PDLIM5: variants seen among roughly 807,000 people sequenced by gnomAD.
The protein encoded by PDLIM5 is PDZ and LIM domain 5.
Under a neutral mutation model 64.2 loss-of-function variants are expected in PDLIM5, and 34 were observed. That is an observed-to-expected ratio of 0.53 (90% CI 0.40 to 0.71). PDLIM5 has a LOEUF of 0.71. Among genes scored for constraint, PDLIM5 ranks in the 30% least tolerant of loss-of-function variants. The pLI is 0.00. For missense variants in PDLIM5, 683 were observed against 733.6 expected (o/e 0.93, Z 0.80); for synonymous variants, 253 against 269.1 (o/e 0.94, Z 0.59).
At chr4:94,482,608 T>C (rs1217592911) in intron 2 of PDLIM5, among the ~76,000 whole-genome samples, 2 of 152,146 alleles carry the variant, frequency 1.3e-5, no homozygotes, top group Non-Finnish European at 2.9e-5. Context: ...CTAAATTTAG[T>C]AGATGGGCTG....
At chr4:94,469,770 G>A (rs1446644993) in intron 2 of PDLIM5, among the ~76,000 whole-genome samples, 2 of 152,050 alleles carry the variant, frequency 1.3e-5, no homozygotes, top group Non-Finnish European at 2.9e-5. Flanking sequence ...AGAAATTCCA[G>A]GGCAAGAATT....
chr4:94,518,132 C>CT (rs1729524352), intron 2 of PDLIM5, among the ~76,000 whole-genome samples: 1 of 152,016 alleles, frequency 6.6e-6, no homozygotes, highest in Non-Finnish European at 1.5e-5. Context: ...TATGGAAAAG[C>CT]TTAGGGCATG....
intron 7 of PDLIM5, chr4:94,587,322 A>G (rs1027066359): frequency 1.6e-5 from 20 of 1,270,370 alleles, no homozygotes; most frequent in South Asian, 1.1e-4. Context: ...GACTAGATCT[A>G]TTTGTGGATT....
chr4:94,640,913 A>G (rs1740957091), intron 9 of PDLIM5, among the ~76,000 whole-genome samples: 1 of 152,228 alleles, frequency 6.6e-6, no homozygotes, highest in African/African-American at 2.4e-5. Flanking sequence ...ACTGAAAGGT[A>G]CCTTCAGACC....
chr4:94,532,201 A>G (rs941368255), intron 3 of PDLIM5, among the ~76,000 whole-genome samples: 1 of 152,214 alleles, frequency 6.6e-6, no homozygotes, highest in African/African-American at 2.4e-5. Flanking sequence ...TCATCATTAC[A>G]GCAGTTACTA....
intron 9 of PDLIM5, among the ~76,000 whole-genome samples, chr4:94,650,758 T>C (rs1741779368): frequency 2.0e-5 from 3 of 152,206 alleles, no homozygotes; most frequent in South Asian, 4.1e-4. Flanking sequence ...TTTGTAAGCT[T>C]TCCTTTTTCT....
chr4:94,665,440 C>A lies in PDLIM5; in HGVS notation c.*1373C>A. ...AAGTTGCAGTGAGCTGAGATCACAC[C>A]ACTGCACTCCAGCCTGGTGACAGAG... On this transcript the variant is annotated 3_prime_UTR_variant, in exon 13 of 13. Transcript: ENST00000317968. 1.6e-6 allele frequency: 1 copy of A among 630,590 alleles called. No individual in the cohort carries two copies. Among genetic ancestry groups the A allele is most frequent in the Non-Finnish European group, 2.0e-6 (1 of 511,290 alleles). 39.1% of individuals were successfully genotyped at this position (630,590 alleles called of 1,614,324 possible). A position where few individuals can be genotyped will look rare whatever the true frequency, so the allele number is the denominator to read the frequency against.
intron 11 of PDLIM5, among the ~76,000 whole-genome samples, chr4:94,657,929 C>A (rs562373039): frequency 5.7e-4 from 87 of 152,312 alleles, no homozygotes; most frequent in African/African-American, 2.1e-3. Context: ...TGGTCTCGAA[C>A]TCCCGACGTC....
chr4:94,642,086 A>T (rs1357754380), intron 9 of PDLIM5, among the ~76,000 whole-genome samples: 2 of 152,236 alleles, frequency 1.3e-5, no homozygotes, highest in Non-Finnish European at 2.9e-5. Flanking sequence ...TAATATCGAT[A>T]AAATAGAAAC....
intron 2 of PDLIM5, among the ~76,000 whole-genome samples, chr4:94,467,340 A>C (rs1023900149): frequency 7.8e-5 from 11 of 141,762 alleles, no homozygotes; most frequent in Non-Finnish European, 1.7e-4. Context: ...TTTGAGACGG[A>C]GTCTCGCTCT....
chr4:94,543,983 T>A (rs552628694), intron 3 of PDLIM5, among the ~76,000 whole-genome samples: 273 of 152,286 alleles, frequency 1.8e-3, no homozygotes, highest in African/African-American at 6.3e-3. Flanking sequence ...CTATTTCTAA[T>A]TTTTTAAGGA....
chr4:94,644,761 T>C (rs1177045662), intron 9 of PDLIM5, among the ~76,000 whole-genome samples: 1 of 152,076 alleles, frequency 6.6e-6, no homozygotes, highest in East Asian at 1.9e-4. Flanking sequence ...CAGGATGGTC[T>C]TGATCTCCTG....
At chr4:94,638,024 G>C (rs1740706426) in intron 8 of PDLIM5, among the ~76,000 whole-genome samples, 1 of 152,220 alleles carries the variant, frequency 6.6e-6, no homozygotes. Context: ...CGAGTTCTGT[G>C]CCTGCGTGAG....
At chr4:94,479,926 C>G (rs1357266499) in intron 2 of PDLIM5, among the ~76,000 whole-genome samples, 1 of 152,144 alleles carries the variant, frequency 6.6e-6, no homozygotes, top group Admixed American at 6.6e-5. Context: ...CTGCCTTTCA[C>G]CAGCTTTCAA....
At chr4:94,587,130 C>CT (rs5860367) in intron 7 of PDLIM5, 26,652 of 1,031,820 alleles carry the variant, frequency 0.026, no homozygotes, top group South Asian at 0.029. Flanking sequence ...TTTTCATTTA[C>CT]TTTTTTTTTT....
chr4:94,606,348 G>T (rs1280257201), intron 7 of PDLIM5, among the ~76,000 whole-genome samples: 1 of 152,178 alleles, frequency 6.6e-6, no homozygotes, highest in Admixed American at 6.5e-5. Flanking sequence ...AGCTAAGGTG[G>T]CTTGGGGAAT....
intron 8 of PDLIM5, among the ~76,000 whole-genome samples, chr4:94,623,760 T>C (rs1055083889): frequency 1.8e-4 from 27 of 152,200 alleles, no homozygotes; most frequent in Admixed American, 9.8e-4. Flanking sequence ...GCCAGGATAT[T>C]GTTCTGTCCT....
At position 94,654,673 on chromosome 4, in the gene PDLIM5, GT is replaced by G. The variant is rs1398657383; in HGVS notation, c.1464+37del. The stretch of plus-strand genomic sequence containing the variant: ...TTGGAAACGTTTTTATTCTGAATGA[GT>G]TTTAAAGTAGAATAATTTTTTGATA... On this transcript the variant is annotated intron_variant, in intron 10 of 12. Transcript: ENST00000317968. 3.7e-6 allele frequency: 5 copies of G among 1,364,900 alleles called. No individual in the cohort carries two copies. The South Asian group carries it at 6.4e-5, about 17-fold the overall frequency. The allele number at this position is 1,364,900 out of a possible 1,614,324, so 84.5% of individuals were successfully genotyped here.
intron 8 of PDLIM5, among the ~76,000 whole-genome samples, chr4:94,628,606 C>T (rs915225901): frequency 4.0e-5 from 6 of 151,458 alleles, no homozygotes; most frequent in African/African-American, 1.5e-4. Context: ...AGGTACCTTT[C>T]TCCTTCATTT....
Sources: allele counts gnomAD v4.1 joint callset (sites outside exome capture counted in the v4.1 genomes callset), GRCh38; gene constraint gnomAD v4.1.1; transcripts MANE v1.5; gene names NCBI Gene and HGNC (gene_info 2026-07-23, HGNC 2026-07-21).